SLC7A8: variants seen among roughly 807,000 people sequenced by gnomAD.
The protein encoded by SLC7A8 is large neutral amino acids transporter small subunit 2.
A neutral mutation model predicts 51.2 loss-of-function variants in SLC7A8; 30 were observed. That is an observed-to-expected ratio of 0.59 (90% confidence interval 0.44 to 0.80). SLC7A8 has a LOEUF of 0.80. SLC7A8 is among the 30% of genes least tolerant of loss of function. The pLI is 0.00. For missense variants in SLC7A8, 612 were observed against 674.4 expected, an observed-to-expected ratio of 0.91 and a Z score of 1.03; for synonymous variants, 257 against 275.8, an observed-to-expected ratio of 0.93 and a Z score of 0.67.
chr14:23,152,658 A>AC (rs1432047001), intron 3 of SLC7A8, among the ~76,000 whole-genome samples: 2 of 151,892 alleles, frequency 1.3e-5, no homozygotes, highest in Non-Finnish European at 2.9e-5. Flanking sequence ...CAAGTGAGCC[A>AC]CCTGCCTTGG....
intron 1 of SLC7A8, among the ~76,000 whole-genome samples, chr14:23,167,690 T>C (rs911368158): frequency 6.6e-6 from 1 of 152,162 alleles, no homozygotes; most frequent in Admixed American, 6.5e-5. Flanking sequence ...TTGAAAGTGC[T>C]GCTTCATGCT....
At chr14:23,181,786 A>C (rs569277853) in intron 1 of SLC7A8, among the ~76,000 whole-genome samples, 1 of 152,240 alleles carries the variant, frequency 6.6e-6, no homozygotes, top group African/African-American at 2.4e-5. Context: ...ATAGCAGAAC[A>C]ATCTCTCACT....
Position 23,166,215 on chromosome 14 carries a change from A to G in SLC7A8, c.356+121T>C, listed in dbSNP as rs563469443. On this transcript the variant is annotated intron_variant, in intron 2 of 10. Transcript: ENST00000316902. Reference sequence around the variant, plus strand: ...AAGCAGAAGAGACATTCCATTCACTAGCACCCCGTGGCACACTGGAGACTG... The same window carrying G: ...AAGCAGAAGAGACATTCCATTCACTGGCACCCCGTGGCACACTGGAGACTG... 6.0e-5 allele frequency: 60 copies of G among 1,003,702 alleles called. No homozygotes were observed. The East Asian group carries it at 1.4e-3, about 24-fold the overall frequency. 62.2% of individuals were successfully genotyped at this position (1,003,702 alleles called of 1,614,324 possible). A position where few individuals can be genotyped will look rare whatever the true frequency, so the allele number is the denominator to read the frequency against.
chr14:23,182,161 A>G (rs1370022917), intron 1 of SLC7A8, among the ~76,000 whole-genome samples: 5 of 152,202 alleles, frequency 3.3e-5, no homozygotes, highest in African/African-American at 1.2e-4. Flanking sequence ...GAGAGGCACA[A>G]TCTGTCCCCT....
rs1382819891 is a variant in SLC7A8 at position 23,127,403 on chromosome 14, A to T, written c.1442-60T>A. ...GCTGAGTATCCCACCAACCTGGCCA[A>T]GTGGCCCCGGCCCTTCCTGGCTCTC... On this transcript the variant is annotated intron_variant, in intron 10 of 10. Coordinates refer to ENST00000316902, the MANE Select transcript of SLC7A8 (RefSeq NM_012244.4). 18 of 1,587,100 alleles carry T rather than the reference A, an allele frequency of 1.1e-5. No individual in the cohort carries two copies. The Admixed American group carries it at 2.9e-4, about 25-fold the overall frequency.
chr14:23,127,303 C>G lies in SLC7A8; in HGVS notation c.1482G>C (p.Val494=), dbSNP rs1282619909. 3.7e-6 allele frequency: 6 copies of G among 1,614,096 alleles called. No individual in the cohort carries two copies. Among genetic ancestry groups the G allele is most frequent in the Non-Finnish European group, 5.1e-6 (6 of 1,179,970 alleles). The change falls in exon 11 of 11, where the codon GTG becomes GTC. Residue 494 remains valine, a synonymous_variant. Coordinates refer to ENST00000316902, the MANE Select transcript of SLC7A8 (RefSeq NM_012244.4). The part of the protein sequence containing the change: ...TLVSQKMCVV[V]YPEVERGSGT... ...CTGAGCCCCGCTCCACCTCGGGGTA[C>G]ACGACCACACACATCTTCTGGCTCA...
rs746884955 is a variant in SLC7A8 at position 23,165,487 on chromosome 14, C to T, written c.357-51G>A. The stretch of plus-strand genomic sequence containing the variant: ...GAAAGGCATGGCAGGGACGCAGAGC[C>T]ATCAGGGGAGAGCCCGGGCAAGTCA... On this transcript the variant is annotated intron_variant, in intron 2 of 10. Transcript: ENST00000316902. The surrounding 1 kb of genome is among the most constrained non-coding windows in gnomAD (Gnocchi z 4.2). 1 of 1,539,038 alleles carries T rather than the reference C, an allele frequency of 6.5e-7. No individual in the cohort carries two copies. Among genetic ancestry groups the T allele is most frequent in the East Asian group, 2.5e-5 (1 of 39,900 alleles).
chr14:23,139,436 G>A lies in SLC7A8; in HGVS notation c.900C>T (p.Asn300=), dbSNP rs201546442. 221 of 1,613,970 alleles carry A rather than the reference G, an allele frequency of 1.4e-4. 2 individuals are homozygous for A. Among genetic ancestry groups the A allele is most frequent in the Middle Eastern group, 3.3e-4 (2 of 6,084 alleles). ...TTTCATTTCTTACCACAGCGACGGC[G>A]TTGGATGCCAGCAGCTCCTGGGGGG... is the stretch of plus-strand genomic sequence containing the variant. The part of the protein sequence containing the change: ...AMSPQELLAS[N]AVAVTFGEKL... Residue 300 remains asparagine (N), a synonymous_variant, in exon 6 of 11, where the codon AAC becomes AAT. Coordinates refer to ENST00000316902, the MANE Select transcript of SLC7A8 (RefSeq NM_012244.4).
At chr14:23,170,545 G>A (rs2048970588) in intron 1 of SLC7A8, among the ~76,000 whole-genome samples, 1 of 151,724 alleles carries the variant, frequency 6.6e-6, no homozygotes, top group Non-Finnish European at 1.5e-5. Flanking sequence ...TGCAACCTCC[G>A]CCTCATGGGT....
rs2048635237 is a variant in SLC7A8, at chr14:23,131,650, G to C, written c.1017-93C>G. 25 of 933,428 alleles carry C rather than the reference G, an allele frequency of 2.7e-5. No individual in the cohort carries two copies. The South Asian group carries it at 4.6e-4, about 17-fold the overall frequency. 57.8% of individuals were successfully genotyped at this position (933,428 alleles called of 1,614,324 possible). A position where few individuals can be genotyped will look rare whatever the true frequency, so the allele number is the denominator to read the frequency against. The stretch of plus-strand genomic sequence containing the variant: ...TTGCCTACCTTCTGCCCACACAGGG[G>C]CATCCCCACTCCAACCAGGCACCCG... On this transcript the variant is annotated intron_variant, in intron 7 of 10. Coordinates refer to ENST00000316902, the MANE Select transcript of SLC7A8 (RefSeq NM_012244.4).
chr14:23,134,437 C>CAAA (rs57162273), intron 7 of SLC7A8, among the ~76,000 whole-genome samples: 114 of 64,174 alleles, frequency 1.8e-3, no homozygotes, highest in African/African-American at 5.1e-3. Context: ...ACCCTGTCTC[C>CAAA]AAAAAAAAAA....
At chr14:23,173,859 T>G (rs956243570) in intron 1 of SLC7A8, among the ~76,000 whole-genome samples, 1 of 151,980 alleles carries the variant, frequency 6.6e-6, no homozygotes, top group African/African-American at 2.4e-5. Context: ...CAGGCTGGTC[T>G]TGAACTCCTG....
intron 9 of SLC7A8, 105 bp downstream of exon 9, chr14:23,129,545 T>C: frequency 7.5e-7 from 1 of 1,325,532 alleles, no homozygotes; most frequent in Non-Finnish European, 1.0e-6. Context: ...CCATCAGAGA[T>C]GATGACGTGT....
intron 3 of SLC7A8, among the ~76,000 whole-genome samples, chr14:23,150,495 AG>A (rs1264297565): frequency 6.6e-6 from 1 of 152,174 alleles, no homozygotes; most frequent in Non-Finnish European, 1.5e-5. Context: ...TTTGAACTTG[AG>A]GAACTCAGCG....
chr14:23,141,966 G>C (rs560537786), intron 4 of SLC7A8, among the ~76,000 whole-genome samples: 34 of 152,338 alleles, frequency 2.2e-4, no homozygotes, highest in Non-Finnish European at 2.9e-4. Flanking sequence ...AAGGAGATTA[G>C]TGTGACCAGG....
At chr14:23,136,138 G>A (rs1839062607) in intron 7 of SLC7A8, among the ~76,000 whole-genome samples, 1 of 152,166 alleles carries the variant, frequency 6.6e-6, no homozygotes, top group African/African-American at 2.4e-5. Flanking sequence ...AGACTGAAGC[G>A]AACAGCAGCA....
chr14:23,154,961 T>TG (rs1686484620), intron 3 of SLC7A8, among the ~76,000 whole-genome samples: 1 of 82,756 alleles, frequency 1.2e-5, no homozygotes, highest in Non-Finnish European at 2.4e-5. Flanking sequence ...GAGAAAAACG[T>TG]TAAAAAAAAA....
chr14:23,165,329 A>T lies in SLC7A8; in HGVS notation c.464T>A (p.Phe155Tyr). 6.2e-7 allele frequency: 1 copy of T among 1,607,056 alleles called. No homozygotes were observed. The highest frequency in any genetic ancestry group is 1.3e-5 in the African/African-American group (1 of 74,444). The change falls in exon 3 of 11, where the codon TTC (phenylalanine) becomes TAC (tyrosine). Residue 155 changes from phenylalanine to tyrosine, a missense_variant. Transcript: ENST00000316902. The surrounding 1 kb of genome is among the most constrained non-coding windows in gnomAD (Gnocchi z 4.2). The part of the protein sequence containing the change: ...YVLQPLFPTC[F>Y]PPESGLRLLA... ...GAGCCGAAGGCCAGACTCTGGGGGG[A>T]AGCAGGTGGGGAAGAGCGGCTGCAG...
intron 3 of SLC7A8, among the ~76,000 whole-genome samples, chr14:23,147,092 T>TCCATCCATCCATCCAC (rs1472971926): frequency 6.6e-6 from 1 of 151,736 alleles, no homozygotes; most frequent in Admixed American, 6.6e-5. Context: ...CATCCATCCA[T>TCCATCCATCCATCCAC]CCATCCATCC....
Sources: gnomAD v4.1 joint callset for allele counts (sites outside exome capture counted in the v4.1 genomes callset) on GRCh38, gnomAD v4.1.1 for gene constraint, Gnocchi (gnomAD v3.1) non-coding constraint, MANE v1.5 for transcripts, NCBI Gene and HGNC (gene_info 2026-07-23, HGNC 2026-07-21) for gene names.